FRMD4A: variants seen among roughly 807,000 people sequenced by gnomAD.
FRMD4A encodes FERM domain containing 4A, also known as FERM domain-containing protein 4A.
In FRMD4A, 29 loss-of-function variants were observed where a neutral mutation model predicts 129.1. That is an observed-to-expected ratio of 0.22 (90% confidence interval 0.17 to 0.31). FRMD4A has a LOEUF of 0.31. Ranked by LOEUF, FRMD4A falls within the 10% of genes least tolerant of loss-of-function variation. The probability of loss-of-function intolerance (pLI) is 1.00; values close to 1 mark genes in which losing one functional copy is unlikely to be tolerated. For missense variants in FRMD4A, 1,272 were observed against 1,375.8 expected (o/e 0.92, Z 1.19); for synonymous variants, 634 against 571.6 (o/e 1.11, Z -1.56).
At chr10:14,017,675 A>C (rs1159237396) in intron 2 of FRMD4A, among the ~76,000 whole-genome samples, 1 of 152,232 alleles carries the variant, frequency 6.6e-6, no homozygotes, top group Non-Finnish European at 1.5e-5. Flanking sequence ...GCTGCAAAGG[A>C]CAATGGCTTT....
chr10:13,889,915 T>G (rs2094674745), intron 2 of FRMD4A, among the ~76,000 whole-genome samples: 2 of 152,214 alleles, frequency 1.3e-5, no homozygotes, highest in African/African-American at 4.8e-5. Flanking sequence ...TCCAATTAAA[T>G]TAATTGCAGC....
chr10:13,786,861 G>C (rs2092878459), intron 5 of FRMD4A, among the ~76,000 whole-genome samples: 4 of 152,266 alleles, frequency 2.6e-5, no homozygotes, highest in Admixed American at 1.3e-4. Context: ...AATTTTCAAA[G>C]TAATGCCATA....
In FRMD4A at chr10:13,996,973, G is replaced by GA. The variant is rs996494728; in HGVS notation, c.46-138062dup. ...TGACCCATGATTACATCAAGCCATT[G>GA]AAAAAAATTGAGGCAAAACAAAACA... On this transcript the variant is annotated intron_variant, in intron 2 of 24. Transcript: ENST00000357447. Among the ~76,000 whole-genome samples the GA allele has an allele frequency of 5.4e-5, 8 of 149,454 alleles. 1 individual carries two copies. The highest frequency in any genetic ancestry group is 9.8e-5 in the African/African-American group (4 of 40,940).
rs779471389 is a variant in FRMD4A at position 14,010,664 on chromosome 10, C to CTTTTTTTTTTTTTTTTTTTT, written c.46-151772_46-151753dup. ...TCAAAATTAATTGTCGAGTTTAGGT[C>CTTTTTTTTTTTTTTTTTTTT]TTTTTTTTTTTTTTTTTTTTTTTTA... On this transcript the variant is annotated intron_variant, in intron 2 of 24. Transcript: ENST00000357447. 2.1e-4 allele frequency among the ~76,000 whole-genome samples: 16 copies of CTTTTTTTTTTTTTTTTTTTT among 76,428 alleles called. 3 individuals are homozygous for CTTTTTTTTTTTTTTTTTTTT. The highest frequency in any genetic ancestry group is 3.6e-4 in the Non-Finnish European group (15 of 41,308). The allele number at this position is 76,428 out of a possible 152,430, so 50.1% of individuals were successfully genotyped here. A position where few individuals can be genotyped will look rare whatever the true frequency, so the allele number is the denominator to read the frequency against.
chr10:13,858,841 A>AT lies in FRMD4A; in HGVS notation c.111+5dup, dbSNP rs745586740. On this transcript the variant is annotated splice_donor_region_variant and intron_variant, in intron 3 of 24. Coordinates refer to ENST00000357447, the MANE Select transcript of FRMD4A (RefSeq NM_018027.5). ...AAACTCAGAAAGTTGACCAAAAGCG[A>AT]TTTACCTGTACTAGGAGTTCCAGCT... The AT allele has an allele frequency of 4.5e-6, 7 of 1,567,446 alleles. No homozygotes were observed. Among genetic ancestry groups the AT allele is most frequent in the Admixed American group, 1.7e-5 (1 of 59,962 alleles).
chr10:14,052,775 G>T (rs1834323359), intron 2 of FRMD4A, among the ~76,000 whole-genome samples: 1 of 151,944 alleles, frequency 6.6e-6, no homozygotes, highest in African/African-American at 2.4e-5. Flanking sequence ...TGTTGGTCAG[G>T]CTGGTCTTGA....
intron 5 of FRMD4A, among the ~76,000 whole-genome samples, chr10:13,789,604 C>T (rs2092946738): frequency 6.7e-6 from 1 of 148,678 alleles, no homozygotes; most frequent in African/African-American, 2.5e-5. Flanking sequence ...CGCAGACTTC[C>T]TTGGGTTGTG....
intron 2 of FRMD4A, among the ~76,000 whole-genome samples, chr10:14,241,790 G>C (rs1279847628): frequency 2.8e-5 from 4 of 144,532 alleles, no homozygotes; most frequent in Non-Finnish European, 6.0e-5. Context: ...GAACAGAACA[G>C]AAGGGCTGTC....
intron 2 of FRMD4A, among the ~76,000 whole-genome samples, chr10:14,049,641 G>A (rs548162469): frequency 1.3e-5 from 2 of 152,260 alleles, no homozygotes; most frequent in South Asian, 4.2e-4. Context: ...TGAGGAAAAC[G>A]GTCAGGAGTT....
Position 14,110,419 on chromosome 10 carries a change from T to C in FRMD4A, c.45+219639A>G, listed in dbSNP as rs570746600. 7.9e-5 allele frequency among the ~76,000 whole-genome samples: 12 copies of C among 152,284 alleles called. No individual in the cohort carries two copies. The East Asian group carries it at 2.3e-3, about 29-fold the overall frequency. ...ACGGGGGTGCTGACACGGACATCCC[T>C]GTCTTTGAAAACAGCAAACTTGAGA... On this transcript the variant is annotated intron_variant, in intron 2 of 24. Transcript: ENST00000357447.
intron 2 of FRMD4A, among the ~76,000 whole-genome samples, chr10:13,948,333 T>A (rs868352169): frequency 5.0e-4 from 76 of 152,184 alleles, no homozygotes; most frequent in African/African-American, 1.7e-3. Flanking sequence ...ATTACTGGTG[T>A]GAGCCACTGT....
chr10:13,647,734 T>G (rs1471306932), intron 24 of FRMD4A: 1 of 104,132 alleles, frequency 9.6e-6, no homozygotes, highest in Non-Finnish European at 2.0e-5. Context: ...ATAAAAGGCT[T>G]TTTTTTTTTT....
intron 2 of FRMD4A, among the ~76,000 whole-genome samples, chr10:14,079,309 C>T (rs1835791873): frequency 6.6e-6 from 1 of 152,076 alleles, no homozygotes; most frequent in Non-Finnish European, 1.5e-5. Flanking sequence ...GCTCCAGCAC[C>T]CTCTCCTCCT....
At chr10:13,789,975 G>A (rs1006804952) in intron 5 of FRMD4A, among the ~76,000 whole-genome samples, 2 of 152,092 alleles carry the variant, frequency 1.3e-5, no homozygotes, top group Non-Finnish European at 2.9e-5. Flanking sequence ...TCATATAGGG[G>A]AGTTTGGAAG....
At chr10:14,313,869 A>T (rs1346674385) in intron 2 of FRMD4A, among the ~76,000 whole-genome samples, 1 of 152,244 alleles carries the variant, frequency 6.6e-6, no homozygotes, top group Non-Finnish European at 1.5e-5. Context: ...CACAGCAGCC[A>T]TTACTCTGTA....
At chr10:14,280,315 C>CT (rs398054138) in intron 2 of FRMD4A, among the ~76,000 whole-genome samples, 2,036 of 146,008 alleles carry the variant, frequency 0.014, 50 homozygotes, top group African/African-American at 0.047. Flanking sequence ...TCAGAAAATA[C>CT]TTTTTTTTTT....
chr10:14,072,512 C>T (rs1835364219), intron 2 of FRMD4A, among the ~76,000 whole-genome samples: 1 of 152,178 alleles, frequency 6.6e-6, no homozygotes, highest in Non-Finnish European at 1.5e-5. Flanking sequence ...AAGCCTAACG[C>T]TTTCTGAGCC....
intron 2 of FRMD4A, among the ~76,000 whole-genome samples, chr10:14,127,550 C>A (rs1384200484): frequency 1.3e-5 from 2 of 152,074 alleles, no homozygotes. Flanking sequence ...CACTTCCTGG[C>A]TTTCTGTCTT....
At chr10:13,659,243 A>C in intron 21 of FRMD4A, 80 bp downstream of exon 21, 4 of 1,261,800 alleles carry the variant, frequency 3.2e-6, no homozygotes, top group Non-Finnish European at 4.7e-6. Context: ...CTCATCCATT[A>C]TTTGGGCCAG....
Sources: allele counts gnomAD v4.1 joint callset (sites outside exome capture counted in the v4.1 genomes callset), GRCh38; gene constraint gnomAD v4.1.1; transcripts MANE v1.5; gene names NCBI Gene and HGNC (gene_info 2026-07-23, HGNC 2026-07-21).